The following MYBPC3 variants were observed in gnomAD, a reference collection of about 807,000 sequenced individuals.
MYBPC3 encodes myosin binding protein C3.
In MYBPC3, 108 loss-of-function variants were observed where a neutral mutation model predicts 159.3. The ratio of observed to expected loss-of-function variants is 0.68; its 90% confidence interval spans 0.58 to 0.80. MYBPC3 has a LOEUF of 0.80. Among genes scored for constraint, MYBPC3 ranks in the 30% least tolerant of loss-of-function variants. MYBPC3 has a pLI of 0.00. For missense variants in MYBPC3, 1,631 were observed against 1,762.1 expected, an observed-to-expected ratio of 0.93 and a Z score of 1.33; for synonymous variants, 730 against 702.0, an observed-to-expected ratio of 1.04 and a Z score of -0.63.
At chr11:47,344,739 G>A (rs1002127870) in intron 12 of MYBPC3, among the ~76,000 whole-genome samples, 29 of 152,154 alleles carry the variant, frequency 1.9e-4, no homozygotes, top group African/African-American at 5.8e-4. Context: ...GTGTTGTTTC[G>A]AGAATTAAAT....
At position 47,350,082 on chromosome 11, in the gene MYBPC3, G is replaced by T. The variant is rs780458215; in HGVS notation, c.437C>A (p.Thr146Asn). The change falls in exon 4 of 35, where the codon ACC (threonine) becomes AAC (asparagine). Residue 146 changes from threonine (T) to asparagine (N), a missense_variant. Transcript: ENST00000545968. ...AATGGGGTCATCGGGGGCTCCAGGGGTAGGACCATTGAGAGCTGCTGAGCT... is the reference window on the plus strand; with the variant it reads ...AATGGGGTCATCGGGGGCTCCAGGGTTAGGACCATTGAGAGCTGCTGAGCT... ...GSSSAALNGP[T>N]PGAPDDPIGL... 1.9e-6 allele frequency: 3 copies of T among 1,560,426 alleles called. No homozygotes were observed. The highest frequency in any genetic ancestry group is 2.6e-6 in the Non-Finnish European group (3 of 1,151,930).
intron 22 of MYBPC3, 81 bp downstream of exon 22, chr11:47,339,243 A>G: frequency 6.8e-7 from 1 of 1,481,042 alleles, no homozygotes; most frequent in Non-Finnish European, 9.4e-7. Flanking sequence ...CTCCATGGAG[A>G]CCTCGCCAAG....
chr11:47,334,038 G>T (rs1305209414), intron 27 of MYBPC3, 28 bp from the exon 28 acceptor site: 2 of 1,550,718 alleles, frequency 1.3e-6, no homozygotes, highest in East Asian at 4.9e-5. Context: ...GTAGCTAAGT[G>T]AGGGCCCGCC....
At position 47,352,581 on chromosome 11, in the gene MYBPC3, C is replaced by T. The variant is rs371568187; in HGVS notation, c.25+42G>A. Reference sequence around the variant, plus strand: ...CCCTGCTCCCCAATTGTAGACACCCCCCTGCTCCCACACTTAGACCCAACC... The same window carrying T: ...CCCTGCTCCCCAATTGTAGACACCCTCCTGCTCCCACACTTAGACCCAACC... On this transcript the variant is annotated intron_variant, in intron 1 of 34. Coordinates refer to ENST00000545968, the MANE Select transcript of MYBPC3 (RefSeq NM_000256.3). The T allele has an allele frequency of 8.7e-6, 14 of 1,600,558 alleles. No individual in the cohort carries two copies. The African/African-American group carries it at 1.8e-4, about 20-fold the overall frequency.
chr11:47,336,954 C>G (rs2095882894), intron 25 of MYBPC3, among the ~76,000 whole-genome samples: 3 of 152,208 alleles, frequency 2.0e-5, no homozygotes, highest in Admixed American at 2.0e-4. Flanking sequence ...CTAACTACAG[C>G]CCTTGCCCCA....
At position 47,341,973 on chromosome 11, in the gene MYBPC3, C is replaced by T. The variant is rs2142860042; in HGVS notation, c.1790+18G>A. 6.4e-7 allele frequency: 1 copy of T among 1,553,430 alleles called. No individual in the cohort carries two copies. The highest frequency in any genetic ancestry group is 2.4e-5 in the East Asian group (1 of 41,026). On this transcript the variant is annotated intron_variant, in intron 18 of 34. Transcript: ENST00000545968. ...TCTCAGTCTCCACCTGTCCCATCCA[C>T]CTGCCCTGCACACTCACCGCCCGAT...
At position 47,346,336 on chromosome 11, in the gene MYBPC3, C is replaced by T. The variant is rs200119454; in HGVS notation, c.961G>A (p.Val321Met). ...SKLEAPAEED[V>M]WEILRQAPPS... is the part of the protein sequence containing the mutation. ...GGTGCCTGCCGTAGGATCTCCCACA[C>T]GTCCTCCTCTGCTGGTGCCTCCAGC... Residue 321 changes from valine (V) to methionine (M), a missense_variant, in exon 12 of 35, where the codon GTG becomes ATG. Transcript: ENST00000545968. The surrounding 1 kb of genome is among the most constrained non-coding windows in gnomAD (Gnocchi z 5.3). The T allele has an allele frequency of 4.4e-4, 700 of 1,608,044 alleles. 1 individual carries two copies. Among genetic ancestry groups the T allele is most frequent in the Non-Finnish European group, 5.3e-4 (623 of 1,176,844 alleles).
rs922721781 is a variant in MYBPC3 at position 47,338,165 on chromosome 11, T to C, written c.2308+355A>G. Among the ~76,000 whole-genome samples the C allele has an allele frequency of 1.3e-5, 2 of 151,976 alleles. No individual in the cohort carries two copies. Among genetic ancestry groups the C allele is most frequent in the African/African-American group, 4.8e-5 (2 of 41,384 alleles). On this transcript the variant is annotated intron_variant, in intron 23 of 34. Transcript: ENST00000545968. The surrounding 1 kb of genome is among the most constrained non-coding windows in gnomAD (Gnocchi z 4.7). ...TTCATTCTCCACACCCAAAAGGCCC[T>C]TTCCCTCCTCCACCCCTTTGTACAC...
rs1452966671 is a variant in MYBPC3, at chr11:47,346,079, C to T, written c.1090+128G>A. On this transcript the variant is annotated intron_variant, in intron 12 of 34. Transcript: ENST00000545968. This position sits in a 1 kb window ranked among gnomAD's most constrained non-coding sequence, Gnocchi z 5.3. ...ACTCCGCTCTTTCCATGTATGTGGA[C>T]GAGGTGGGGGGCTAACCTGTGCCCT... 32 of 1,298,658 alleles carry T rather than the reference C, an allele frequency of 2.5e-5. No individual in the cohort carries two copies. Among genetic ancestry groups the T allele is most frequent in the Non-Finnish European group, 3.2e-5 (31 of 957,606 alleles). 80.4% of individuals were successfully genotyped at this position (1,298,658 alleles called of 1,614,324 possible). A position where few individuals can be genotyped will look rare whatever the true frequency, so the allele number is the denominator to read the frequency against.
In MYBPC3 at chr11:47,346,453, T is replaced by C; in HGVS notation, c.927-83A>G. On this transcript the variant is annotated intron_variant, in intron 11 of 34. Transcript: ENST00000545968. The surrounding 1 kb of genome is among the most constrained non-coding windows in gnomAD (Gnocchi z 5.3). ...CTTCCTGGGCCCAGGACCAAGGAGC[T>C]GTAGCCACCCCTGTCCCTCTGCCCC... 1.4e-6 allele frequency: 2 copies of C among 1,470,624 alleles called. No homozygotes were observed. The highest frequency in any genetic ancestry group is 1.8e-6 in the Non-Finnish European group (2 of 1,104,130). The allele number at this position is 1,470,624 out of a possible 1,614,324, so 91.1% of individuals were successfully genotyped here.
At chr11:47,348,720 G>A (rs1313711016) in intron 5 of MYBPC3, among the ~76,000 whole-genome samples, 179 bp from the exon 6 acceptor site, 3 of 139,344 alleles carry the variant, frequency 2.2e-5, no homozygotes, top group African/African-American at 7.8e-5. Flanking sequence ...CCTGGCCAAC[G>A]TGGTGAAATT....
chr11:47,334,076 A>G (rs2095880066), intron 27 of MYBPC3, 66 bp from the exon 28 acceptor site: 5 of 1,453,908 alleles, frequency 3.4e-6, no homozygotes, highest in Non-Finnish European at 3.8e-6. Context: ...CACAGCTCCA[A>G]CCTCCCTTGA....
At chr11:47,352,597 A>G (rs1176791124) in intron 1 of MYBPC3, 26 bp downstream of exon 1, 2 of 1,602,192 alleles carry the variant, frequency 1.2e-6, no homozygotes, top group South Asian at 1.1e-5. Context: ...TCCCACACTT[A>G]GACCCAACCC....
chr11:47,335,102 T>G lies in MYBPC3; in HGVS notation c.2845A>C (p.Met949Leu). ...RLLFRVRAHN[M>L]AGPGAPVTTT... ...GTAACAGGGGCTCCAGGCCCTGCCA[T>G]ATTGTGTGCCCGCACTCGGAAAAGC... is the stretch of plus-strand genomic sequence containing the variant. Residue 949 changes from methionine to leucine, a missense_variant, in exon 27 of 35, where the codon ATG becomes CTG. Coordinates refer to ENST00000545968, the MANE Select transcript of MYBPC3 (RefSeq NM_000256.3). The G allele has an allele frequency of 6.2e-7, 1 of 1,610,872 alleles. No homozygotes were observed. Among genetic ancestry groups the G allele is most frequent in the African/African-American group, 1.3e-5 (1 of 74,906 alleles).
In MYBPC3 at chr11:47,333,645, G is replaced by A. The variant is rs200663253; in HGVS notation, c.3102C>T (p.Ala1034=). 3.0e-4 allele frequency: 488 copies of A among 1,609,328 alleles called. 5 individuals carry two copies. In the Admixed American group the frequency reaches 3.4e-3, roughly 11 times the overall value. ...SPTDTILFIR[A]ARRVHSGTYQ... ...AAGTGCCTGAATGCACGCGGCGAGC[G>A]GCCCGGATGAACAGGATGGTGTCTG... Residue 1034 remains alanine, a synonymous_variant, in exon 29 of 35, where the codon GCC becomes GCT. Coordinates refer to ENST00000545968, the MANE Select transcript of MYBPC3 (RefSeq NM_000256.3).
rs953103065 is a variant in MYBPC3 at position 47,332,506 on chromosome 11, C to T, written c.3627+60G>A. The T allele has an allele frequency of 1.7e-5, 26 of 1,569,052 alleles. No homozygotes were observed. The highest frequency in any genetic ancestry group is 3.4e-4 in the Middle Eastern group (2 of 5,840). On this transcript the variant is annotated intron_variant, in intron 32 of 34. Transcript: ENST00000545968. The surrounding 1 kb of genome is among the most constrained non-coding windows in gnomAD (Gnocchi z 4.2). Reference sequence around the variant, plus strand: ...ACAGGCTGGGGAGAGGACTGCTCAACGTCGGGGCCTGTGAGCCCTGCCTCC... The same window carrying T: ...ACAGGCTGGGGAGAGGACTGCTCAATGTCGGGGCCTGTGAGCCCTGCCTCC...
At position 47,347,017 on chromosome 11, in the gene MYBPC3, C is replaced by G; in HGVS notation, c.908+10G>C. ...CTGCCGCCCCCAAACACCCAGACCC[C>G]GATTCTTACTCTCTGGGCCACAGCA... On this transcript the variant is annotated intron_variant, in intron 10 of 34. Coordinates refer to ENST00000545968, the MANE Select transcript of MYBPC3 (RefSeq NM_000256.3). 2 of 789,928 alleles carry G rather than the reference C, an allele frequency of 2.5e-6. No individual in the cohort carries two copies. Among genetic ancestry groups the G allele is most frequent in the Non-Finnish European group, 4.5e-6 (2 of 439,856 alleles). 48.9% of individuals were successfully genotyped at this position (789,928 alleles called of 1,614,324 possible). A position where few individuals can be genotyped will look rare whatever the true frequency, so the allele number is the denominator to read the frequency against.
rs943844307 is a variant in MYBPC3 at position 47,338,733 on chromosome 11, C to G, written c.2149-54G>C. 3 of 1,523,936 alleles carry G rather than the reference C, an allele frequency of 2.0e-6. No homozygotes were observed. 94.4% of individuals were successfully genotyped at this position (1,523,936 alleles called of 1,614,324 possible). A position where few individuals can be genotyped will look rare whatever the true frequency, so the allele number is the denominator to read the frequency against. On this transcript the variant is annotated intron_variant, in intron 22 of 34. Transcript: ENST00000545968. This position sits in a 1 kb window ranked among gnomAD's most constrained non-coding sequence, Gnocchi z 4.7. Reference sequence around the variant, plus strand: ...CCAAGTCAGACCCCAGAGGCCCTTGCAGCCTCCGCCAACAGCCAGATGTCC... The same window carrying G: ...CCAAGTCAGACCCCAGAGGCCCTTGGAGCCTCCGCCAACAGCCAGATGTCC...
intron 3 of MYBPC3, 88 bp downstream of exon 3, chr11:47,350,414 C>T (rs927282738): frequency 5.3e-6 from 8 of 1,518,016 alleles, no homozygotes; most frequent in Non-Finnish European, 7.0e-6. Flanking sequence ...GCCTGAGCCA[C>T]CGCACCTGGC....
Sources: gnomAD v4.1 joint callset for allele counts (sites outside exome capture counted in the v4.1 genomes callset) on GRCh38, gnomAD v4.1.1 for gene constraint, Gnocchi (gnomAD v3.1) non-coding constraint, MANE v1.5 for transcripts, NCBI Gene and HGNC (gene_info 2026-07-23, HGNC 2026-07-21) for gene names.